PKP2: variants seen among roughly 807,000 people sequenced by gnomAD.
PKP2 encodes plakophilin-2.
A neutral mutation model predicts 83.4 loss-of-function variants in PKP2; 73 were observed. The observed-to-expected ratio is 0.88, with a 90% CI of 0.72 to 1.06. The LOEUF is 1.06. Ranked by LOEUF, PKP2 falls within the 50% of genes least tolerant of loss-of-function variation. The pLI is 0.00. For synonymous variants in PKP2, 409 were observed against 430.4 expected (o/e 0.95, Z 0.62); for missense variants, 966 against 1,065.4 (o/e 0.91, Z 1.30).
In PKP2 at chr12:32,878,170, T is replaced by C; in HGVS notation, c.710A>G (p.Asn237Ser). 1.2e-6 allele frequency: 2 copies of C among 1,614,176 alleles called. No individual in the cohort carries two copies. Among genetic ancestry groups the C allele is most frequent in the African/African-American group, 2.7e-5 (2 of 75,048 alleles). ...SDTVFDSIPA[N>S]PALLTYPRPG... Reference sequence around the variant, plus strand: ...CCTGGGGTACGTGAGCAGGGCCGGGTTGGCAGGGATGCTGTCAAAAACGGT... The same window carrying C: ...CCTGGGGTACGTGAGCAGGGCCGGGCTGGCAGGGATGCTGTCAAAAACGGT... Residue 237 changes from asparagine (N) to serine (S), a missense_variant, in exon 3 of 13, where the codon AAC becomes AGC. Asn to Ser is a conservative substitution (Grantham distance 46). Transcript: ENST00000340811.
intron 9 of PKP2, among the ~76,000 whole-genome samples, chr12:32,817,079 GC>G (rs1956327101): frequency 6.6e-6 from 1 of 152,114 alleles, no homozygotes; most frequent in African/African-American, 2.4e-5. Context: ...CTGTGCAGAA[GC>G]TCTTTAGCTT....
At chr12:32,795,893 C>T (rs1288939869) in intron 11 of PKP2, among the ~76,000 whole-genome samples, 1 of 152,174 alleles carries the variant, frequency 6.6e-6, no homozygotes, top group Non-Finnish European at 1.5e-5. Flanking sequence ...TCTGTTGATA[C>T]TTTAGAAGAG....
At chr12:32,800,303 A>G (rs59404292) in intron 10 of PKP2, among the ~76,000 whole-genome samples, 1 of 152,146 alleles carries the variant, frequency 6.6e-6, no homozygotes, top group East Asian at 1.9e-4. Flanking sequence ...CTTGAAGCCA[A>G]TTATCTTACT....
chr12:32,799,688 A>T (rs1276700443), intron 10 of PKP2, among the ~76,000 whole-genome samples: 1 of 152,202 alleles, frequency 6.6e-6, no homozygotes, highest in East Asian at 1.9e-4. Context: ...CAGGAATGGA[A>T]AACCAAATAT....
At chr12:32,850,173 A>G (rs565715183) in intron 5 of PKP2, among the ~76,000 whole-genome samples, 24 of 152,362 alleles carry the variant, frequency 1.6e-4, no homozygotes, top group Admixed American at 3.3e-4. Context: ...AAATTGTTTT[A>G]AAGACATTTA....
At chr12:32,834,204 CG>C (rs777753210) in intron 6 of PKP2, among the ~76,000 whole-genome samples, 2 of 152,164 alleles carry the variant, frequency 1.3e-5, no homozygotes, top group Non-Finnish European at 2.9e-5. Context: ...GTTTCCTCCA[CG>C]AAACCCAGAG....
chr12:32,835,203 G>A (rs945816544), intron 6 of PKP2, among the ~76,000 whole-genome samples: 6 of 151,722 alleles, frequency 4.0e-5, no homozygotes, highest in Admixed American at 2.6e-4. Flanking sequence ...ACAGGTGCCC[G>A]CCACTACACC....
chr12:32,895,722 G>A (rs1335401419), intron 1 of PKP2, among the ~76,000 whole-genome samples: 1 of 152,100 alleles, frequency 6.6e-6, no homozygotes, highest in Non-Finnish European at 1.5e-5. Flanking sequence ...CACCTCCCCC[G>A]TCTATCAATC....
At chr12:32,804,325 G>A (rs1357604433) in intron 9 of PKP2, among the ~76,000 whole-genome samples, 3 of 152,096 alleles carry the variant, frequency 2.0e-5, no homozygotes, top group East Asian at 1.9e-4. Flanking sequence ...TTAAGCTCAG[G>A]GGTACATGTG....
At chr12:32,824,226 T>G in intron 6 of PKP2, 64 bp from the exon 7 acceptor site, 1 of 1,147,310 alleles carries the variant, frequency 8.7e-7, no homozygotes, top group South Asian at 1.2e-5. Flanking sequence ...GTCTTTGTTT[T>G]GAAGTTTTAC....
Position 32,810,774 on chromosome 12 carries a change from C to T in PKP2, c.2014-8218G>A, listed in dbSNP as rs1199236910. On this transcript the variant is annotated intron_variant, in intron 9 of 12. Transcript: ENST00000340811. ...TCGGCTCACTGCAAGCTCCGCCTCCCGGGTTCACGCCATTCTCCTGCCTCA... is the reference window on the plus strand; with the variant it reads ...TCGGCTCACTGCAAGCTCCGCCTCCTGGGTTCACGCCATTCTCCTGCCTCA... Among the ~76,000 whole-genome samples, 4 of 10,202 alleles carry T rather than the reference C, an allele frequency of 3.9e-4. 2 individuals carry two copies. The highest frequency in any genetic ancestry group is 6.6e-4 in the African/African-American group (4 of 6,092). The allele number at this position is 10,202 out of a possible 152,430, so 6.7% of individuals were successfully genotyped here. A position where few individuals can be genotyped will look rare whatever the true frequency, so the allele number is the denominator to read the frequency against.
intron 5 of PKP2, among the ~76,000 whole-genome samples, chr12:32,846,852 A>T (rs1054296587): frequency 6.6e-6 from 1 of 152,048 alleles, no homozygotes; most frequent in Non-Finnish European, 1.5e-5. Flanking sequence ...AGACTATACA[A>T]ATGAGTCATC....
intron 2 of PKP2, 41 bp downstream of exon 2, chr12:32,878,879 T>A (rs1472277810): frequency 3.0e-6 from 3 of 1,000,602 alleles, no homozygotes; most frequent in Non-Finnish European, 3.2e-6. Context: ...ATTTTCATGG[T>A]AGTAATCTGA....
chr12:32,793,170 G>A lies in PKP2; in HGVS notation c.2358-439C>T, dbSNP rs192730063. 1.9e-3 allele frequency among the ~76,000 whole-genome samples: 294 copies of A among 152,166 alleles called. 2 individuals carry two copies. The highest frequency in any genetic ancestry group is 0.017 in the East Asian group (88 of 5,162). On this transcript the variant is annotated intron_variant, in intron 11 of 12. Coordinates refer to ENST00000340811, the MANE Select transcript of PKP2 (RefSeq NM_001005242.3). ...GCAGGAGAATCACTTGAACCCGGGA[G>A]GCGGAGGTTGCAGTGAGCCGAGATC...
chr12:32,850,629 G>A (rs2137861394), intron 5 of PKP2, 137 bp downstream of exon 5: 1 of 728,450 alleles, frequency 1.4e-6, no homozygotes, highest in Non-Finnish European at 2.4e-6. Context: ...AGGTAACAAT[G>A]TTCCTTTAAA....
rs764242586 is a variant in PKP2, at chr12:32,817,713, T to G, written c.2013+3643A>C. 4.2e-4 allele frequency among the ~76,000 whole-genome samples: 64 copies of G among 152,250 alleles called. 1 individual carries two copies. Among genetic ancestry groups the G allele is most frequent in the Non-Finnish European group, 8.2e-4 (56 of 68,044 alleles). On this transcript the variant is annotated intron_variant, in intron 9 of 12. Transcript: ENST00000340811. The stretch of plus-strand genomic sequence containing the variant: ...GAAGATATTCTTCCATGTAATTGTT[T>G]AGCATCTTTATTGTTTTACCTTTCA...
At chr12:32,866,853 G>A (rs1956853942) in intron 4 of PKP2, among the ~76,000 whole-genome samples, 1 of 152,152 alleles carries the variant, frequency 6.6e-6, no homozygotes, top group Non-Finnish European at 1.5e-5. Flanking sequence ...ATGTCTACAT[G>A]AAGACTTGTA....
intron 1 of PKP2, among the ~76,000 whole-genome samples, chr12:32,889,100 A>G (rs577270266): frequency 6.6e-6 from 1 of 152,308 alleles, no homozygotes; most frequent in African/African-American, 2.4e-5. Flanking sequence ...AGAGGGGTGA[A>G]GGAGGCTGCC....
intron 6 of PKP2, among the ~76,000 whole-genome samples, chr12:32,837,171 G>T (rs187382603): frequency 1.3e-5 from 2 of 152,318 alleles, no homozygotes; most frequent in Admixed American, 1.3e-4. Context: ...CTGACCCTGT[G>T]ATGTCTTGAG....
Sources: allele counts gnomAD v4.1 joint callset (sites outside exome capture counted in the v4.1 genomes callset), GRCh38; gene constraint gnomAD v4.1.1; transcripts MANE v1.5; gene names NCBI Gene and HGNC (gene_info 2026-07-23, HGNC 2026-07-21).